CSMD1: variants seen among roughly 807,000 people sequenced by gnomAD.
The protein encoded by CSMD1 is CUB and Sushi multiple domains 1, also known as CUB and sushi domain-containing protein 1.
A neutral mutation model predicts 417.5 loss-of-function variants in CSMD1; 213 were observed. That is an observed-to-expected ratio of 0.51 (90% confidence interval 0.46 to 0.57). CSMD1 has a LOEUF of 0.57. CSMD1 is among the 20% of genes least tolerant of loss of function. The probability of loss-of-function intolerance (pLI) is 0.00; values close to 1 mark genes in which losing one functional copy is unlikely to be tolerated. For synonymous variants in CSMD1, 2,862 were observed against 1,736.8 expected (o/e 1.65, Z -16.11); for missense variants, 6,923 against 4,529.7 (o/e 1.53, Z -15.17).
At chr8:3,501,772 A>G (rs1796610665) in intron 10 of CSMD1, among the ~76,000 whole-genome samples, 1 of 152,228 alleles carries the variant, frequency 6.6e-6, no homozygotes, top group Non-Finnish European at 1.5e-5. Flanking sequence ...TTTAAAAGAA[A>G]ATGCACACTT....
chr8:4,435,840 C>G (rs569042088), intron 2 of CSMD1, among the ~76,000 whole-genome samples: 1 of 152,160 alleles, frequency 6.6e-6, no homozygotes, highest in Admixed American at 6.5e-5. Context: ...TGTGTGACTC[C>G]AAAGCTCACC....
chr8:3,164,435 T>C (rs939444993), intron 37 of CSMD1, among the ~76,000 whole-genome samples: 1 of 152,176 alleles, frequency 6.6e-6, no homozygotes, highest in Non-Finnish European at 1.5e-5. Flanking sequence ...CTGCTAAATA[T>C]GAAAAAATAT....
intron 3 of CSMD1, among the ~76,000 whole-genome samples, chr8:4,236,460 C>G (rs1158162352): frequency 2.0e-5 from 3 of 152,066 alleles, no homozygotes; most frequent in African/African-American, 4.8e-5. Context: ...CATTTAACAA[C>G]AAACACAACT....
chr8:4,287,686 C>T (rs2680604), intron 3 of CSMD1, among the ~76,000 whole-genome samples: 137,404 of 149,344 alleles, frequency 0.92, 64,032 homozygotes, highest in Non-Finnish European at 0.99. Flanking sequence ...ATTATTATTA[C>T]TACTACTTTG....
At chr8:4,077,662 G>C (rs922913877) in intron 3 of CSMD1, among the ~76,000 whole-genome samples, 1 of 152,034 alleles carries the variant, frequency 6.6e-6, no homozygotes, top group East Asian at 1.9e-4. Context: ...AGGTATATTT[G>C]ATCTTTTTCA....
At chr8:3,123,372 G>A (rs1243918917) in intron 41 of CSMD1, among the ~76,000 whole-genome samples, 1 of 152,190 alleles carries the variant, frequency 6.6e-6, no homozygotes, top group Non-Finnish European at 1.5e-5. Context: ...TGCCTGGAAT[G>A]CCTCCTCCCA....
At chr8:3,574,280 G>T (rs370245422) in intron 10 of CSMD1, among the ~76,000 whole-genome samples, 5 of 152,146 alleles carry the variant, frequency 3.3e-5, no homozygotes, top group African/African-American at 9.7e-5. Context: ...TTGCTCTGTC[G>T]CCCAGGCTGG....
Position 3,323,730 on chromosome 8 carries a change from C to G in CSMD1, c.3632-15227G>C, listed in dbSNP as rs555428319. ...AGAGGCCCACATCCAACCCCAGAGA[C>G]CCAGGAGGGAATTTCCTTCACCCCA... On this transcript the variant is annotated intron_variant, in intron 23 of 69. Coordinates refer to ENST00000635120, the MANE Select transcript of CSMD1 (RefSeq NM_033225.6). Among the ~76,000 whole-genome samples the G allele has an allele frequency of 4.0e-5, 6 of 151,062 alleles. No homozygotes were observed. The East Asian group carries it at 1.0e-3, about 26-fold the overall frequency.
At chr8:4,713,555 C>G (rs980375320) in intron 1 of CSMD1, among the ~76,000 whole-genome samples, 7 of 152,182 alleles carry the variant, frequency 4.6e-5, no homozygotes, top group Non-Finnish European at 1.0e-4. Flanking sequence ...GCGGCTGCCA[C>G]CACGCCTAGT....
chr8:3,661,145 C>T (rs996307679), intron 7 of CSMD1, among the ~76,000 whole-genome samples: 8 of 152,188 alleles, frequency 5.3e-5, no homozygotes, highest in African/African-American at 1.9e-4. Context: ...GAACTCCGTA[C>T]TTTCGTATAT....
chr8:3,858,066 A>G (rs1481716159), intron 5 of CSMD1, among the ~76,000 whole-genome samples: 1 of 152,232 alleles, frequency 6.6e-6, no homozygotes, highest in Non-Finnish European at 1.5e-5. Flanking sequence ...TGTGTCTGTA[A>G]AGATAGCAAT....
chr8:3,565,880 T>TATGTTAGATGAA (rs1736596690), intron 10 of CSMD1, among the ~76,000 whole-genome samples: 1 of 152,172 alleles, frequency 6.6e-6, no homozygotes, highest in Non-Finnish European at 1.5e-5. Flanking sequence ...TCATCTTTCA[T>TATGTTAGATGAA]AGTTAGAATA....
At chr8:4,335,724 T>C (rs1005861037) in intron 3 of CSMD1, among the ~76,000 whole-genome samples, 3 of 152,096 alleles carry the variant, frequency 2.0e-5, no homozygotes, top group Admixed American at 1.3e-4. Flanking sequence ...TAACAAATAG[T>C]GTACCTTAAT....
chr8:4,421,851 A>T (rs1366050806), intron 2 of CSMD1, among the ~76,000 whole-genome samples: 1 of 151,990 alleles, frequency 6.6e-6, no homozygotes. Context: ...AAATTGAAAG[A>T]AAAAAGAACA....
At chr8:4,093,394 A>C (rs950692863) in intron 3 of CSMD1, among the ~76,000 whole-genome samples, 3 of 152,204 alleles carry the variant, frequency 2.0e-5, no homozygotes, top group African/African-American at 7.2e-5. Flanking sequence ...TTAGAAAGCC[A>C]AATTGTTTAA....
intron 2 of CSMD1, among the ~76,000 whole-genome samples, chr8:4,547,191 C>G (rs946189693): frequency 6.6e-6 from 1 of 152,172 alleles, no homozygotes; most frequent in African/African-American, 2.4e-5. Flanking sequence ...ACTTATTAAA[C>G]TAGGCCCCCG....
At chr8:3,790,013 A>C (rs112626937) in intron 5 of CSMD1, among the ~76,000 whole-genome samples, 1 of 152,130 alleles carries the variant, frequency 6.6e-6, no homozygotes, top group African/African-American at 2.4e-5. Flanking sequence ...TTACAGGCGT[A>C]AGCCACCATG....
chr8:3,665,853 A>G (rs780413357), intron 7 of CSMD1, among the ~76,000 whole-genome samples: 12 of 151,974 alleles, frequency 7.9e-5, no homozygotes, highest in Non-Finnish European at 1.5e-4. Flanking sequence ...TGCATTTATG[A>G]CCTCAGTGTT....
At chr8:3,271,343 G>A (rs1292404881) in intron 26 of CSMD1, among the ~76,000 whole-genome samples, 1 of 151,818 alleles carries the variant, frequency 6.6e-6, no homozygotes, top group Non-Finnish European at 1.5e-5. Flanking sequence ...GGACATTTGG[G>A]TTGGTTCCAA....
Sources: allele counts gnomAD v4.1 joint callset (sites outside exome capture counted in the v4.1 genomes callset), GRCh38; gene constraint gnomAD v4.1.1; transcripts MANE v1.5; gene names NCBI Gene and HGNC (gene_info 2026-07-23, HGNC 2026-07-21).